Variants in DIP2A observed in about 807,000 individuals in gnomAD.
DIP2A encodes disco-interacting protein 2 homolog A.
DIP2A carries 85 observed loss-of-function variants against 177.4 expected under a neutral mutation model. The observed-to-expected ratio is 0.48, with a 90% CI of 0.40 to 0.57. The LOEUF (loss-of-function observed/expected upper bound fraction) is 0.57, where lower values mean the gene tolerates loss of function less well. Ranked by LOEUF, DIP2A falls within the 20% of genes least tolerant of loss-of-function variation. DIP2A has a pLI of 0.00. For missense variants in DIP2A, 1,791 were observed against 2,100.2 expected (o/e 0.85, Z 2.88); for synonymous variants, 886 against 881.8 (o/e 1.00, Z -0.08).
At chr21:46,519,491 A>G (rs1442612153) in intron 8 of DIP2A, among the ~76,000 whole-genome samples, 2 of 152,192 alleles carry the variant, frequency 1.3e-5, no homozygotes, top group East Asian at 1.9e-4. Flanking sequence ...TTCATCTTCT[A>G]TAACTTCTTC....
At chr21:46,546,884 G>T (rs1569085789) in intron 20 of DIP2A, 31 bp from the exon 21 acceptor site, 1 of 1,611,264 alleles carries the variant, frequency 6.2e-7, no homozygotes, top group East Asian at 2.2e-5. Context: ...GCCCGTGTGG[G>T]TGGAGTCTTG....
At chr21:46,571,884 GCTTT>G (rs1198680126), downstream of DIP2A, among the ~76,000 whole-genome samples, 1 of 152,144 alleles carries the variant, frequency 6.6e-6, no homozygotes, top group Non-Finnish European at 1.5e-5. Context: ...ATTTGAATAT[GCTTT>G]CTTTCTTTCT....
intron 8 of DIP2A, among the ~76,000 whole-genome samples, chr21:46,517,005 A>G (rs756228219): frequency 6.7e-6 from 1 of 149,616 alleles, no homozygotes. Context: ...GCTAACACCA[A>G]TATCTGTATC....
intron 6 of DIP2A, 76 bp from the exon 7 acceptor site, chr21:46,509,181 T>A (rs1390173019): frequency 1.0e-5 from 15 of 1,496,408 alleles, no homozygotes; most frequent in Non-Finnish European, 1.3e-5. Flanking sequence ...GTGTGGTTTG[T>A]CCTTGGACCT....
In DIP2A at chr21:46,498,391, A is replaced by G. The variant is rs2057471766; in HGVS notation, c.404-191A>G. Among the ~76,000 whole-genome samples the G allele has an allele frequency of 6.6e-6, 1 of 152,142 alleles. No individual in the cohort carries two copies. The highest frequency in any genetic ancestry group is 1.9e-4 in the East Asian group (1 of 5,190). On this transcript the variant is annotated intron_variant, in intron 4 of 37. Transcript: ENST00000417564. The surrounding 1 kb of genome is among the most constrained non-coding windows in gnomAD (Gnocchi z 4.3). ...GGGCTCATGGAATCATTTTCCCCAC[A>G]GTAGGGCTTCTTGCATGCCCTTCTA...
chr21:46,501,596 A>T (rs556954093), intron 5 of DIP2A, among the ~76,000 whole-genome samples: 1 of 152,084 alleles, frequency 6.6e-6, no homozygotes, highest in African/African-American at 2.4e-5. Flanking sequence ...ATTTTTAAAA[A>T]TTTTTTGGAA....
chr21:46,573,633 G>A (rs755309046), downstream of DIP2A, among the ~76,000 whole-genome samples: 194 of 79,212 alleles, frequency 2.4e-3, 1 homozygote, highest in Middle Eastern at 0.022. Context: ...GACAGAGTAA[G>A]ACCCTCTCTC....
intron 1 of DIP2A, among the ~76,000 whole-genome samples, chr21:46,463,719 T>TGTGTGTGTG (rs35675489): frequency 3.3e-5 from 4 of 122,454 alleles, no homozygotes; most frequent in South Asian, 2.6e-4. Flanking sequence ...TGTGTGTGTG[T>TGTGTGTGTG]ATATTTTGAG....
chr21:46,498,503 G>A lies in DIP2A; in HGVS notation c.404-79G>A. 1 of 1,510,070 alleles carries A rather than the reference G, an allele frequency of 6.6e-7. No homozygotes were observed. The highest frequency in any genetic ancestry group is 1.8e-5 in the Admixed American group (1 of 55,218). The allele number at this position is 1,510,070 out of a possible 1,614,324, so 93.5% of individuals were successfully genotyped here. On this transcript the variant is annotated intron_variant, in intron 4 of 37. Transcript: ENST00000417564. The surrounding 1 kb of genome is among the most constrained non-coding windows in gnomAD (Gnocchi z 4.3). ...AAGCATGCTGCACACAGGTCTGGGAGGCTCCAGTGTGAGTGGGAACTCCGT... is the reference window on the plus strand; with the variant it reads ...AAGCATGCTGCACACAGGTCTGGGAAGCTCCAGTGTGAGTGGGAACTCCGT...
At position 46,490,614 on chromosome 21, in the gene DIP2A, C is replaced by A; in HGVS notation, c.178C>A (p.Leu60Met). 6.4e-7 allele frequency: 1 copy of A among 1,570,810 alleles called. No homozygotes were observed. Among genetic ancestry groups the A allele is most frequent in the Non-Finnish European group, 8.6e-7 (1 of 1,157,794 alleles). ...TTGTGTTTCAGGAATAGACCCATCT[C>A]TGCAAGCAGAGAATAGAATTCCTGG... is the stretch of plus-strand genomic sequence containing the variant. ...IPLIQGIDPS[L>M]QAENRIPGPS... Residue 60 changes from leucine to methionine, a missense_variant, in exon 3 of 38, where the codon CTG becomes ATG. Leu to Met is a conservative substitution (Grantham distance 15). Transcript: ENST00000417564.
At chr21:46,543,851 AC>A (rs2059924599) in intron 18 of DIP2A, among the ~76,000 whole-genome samples, 1 of 152,076 alleles carries the variant, frequency 6.6e-6, no homozygotes, top group Admixed American at 6.6e-5. Flanking sequence ...GCCAAGCACC[AC>A]CTTCCACATC....
intron 22 of DIP2A, chr21:46,550,235 CCTGT>C (rs1300286682): frequency 1.9e-5 from 12 of 638,602 alleles, no homozygotes; most frequent in African/African-American, 7.3e-5. Flanking sequence ...CTTTCCTCCT[CCTGT>C]CTAATTGAGG....
In DIP2A at chr21:46,563,817, C is replaced by G; in HGVS notation, c.4090-41C>G. On this transcript the variant is annotated intron_variant, in intron 34 of 37. Transcript: ENST00000417564. This position sits in a 1 kb window ranked among gnomAD's most constrained non-coding sequence, Gnocchi z 4.3. ...TCACTGAATCAAGAGAGTCTCGTGTCATGTTTTCTTTAACAAGGGACATAG... is the reference window on the plus strand; with the variant it reads ...TCACTGAATCAAGAGAGTCTCGTGTGATGTTTTCTTTAACAAGGGACATAG... 6.2e-7 allele frequency: 1 copy of G among 1,607,500 alleles called. No individual in the cohort carries two copies. The highest frequency in any genetic ancestry group is 8.5e-7 in the Non-Finnish European group (1 of 1,177,638).
chr21:46,555,038 C>A, intron 28 of DIP2A, 105 bp downstream of exon 28: 1 of 1,200,820 alleles, frequency 8.3e-7, no homozygotes, highest in Non-Finnish European at 1.2e-6. Flanking sequence ...CAAGAGCAGT[C>A]CTGGCAGGAG....
intron 1 of DIP2A, chr21:46,462,609 T>A (rs940641108): frequency 3.9e-5 from 6 of 152,242 alleles, no homozygotes; most frequent in African/African-American, 1.4e-4. Flanking sequence ...TTCATTGTTA[T>A]AATTTTTATA....
chr21:46,561,749 G>T lies in DIP2A; in HGVS notation c.4033G>T (p.Val1345Phe). ...TGAAATTGTTCCCTTAATTTTTAGG[G>T]TTCGTTTGGTAGAACGGGGTTCTCC... ...VDMRALRHDR[V>F]RLVERGSPHS... The change falls in exon 34 of 38, where the codon GTT (valine) becomes TTT (phenylalanine). Residue 1345 changes from valine (V) to phenylalanine (F), a missense_variant and splice_region_variant. Physicochemically the swap from Val to Phe is conservative, Grantham distance 50 (BLOSUM62 -1). Transcript: ENST00000417564. 6.2e-7 allele frequency: 1 copy of T among 1,613,916 alleles called. No homozygotes were observed. Among genetic ancestry groups the T allele is most frequent in the Non-Finnish European group, 8.5e-7 (1 of 1,179,886 alleles).
intron 26 of DIP2A, 104 bp from the exon 27 acceptor site, chr21:46,554,471 C>T (rs968545127): frequency 3.0e-5 from 47 of 1,541,196 alleles, no homozygotes; most frequent in Non-Finnish European, 3.9e-5. Flanking sequence ...GTCACCCATG[C>T]CCCCCCAGCA....
chr21:46,507,124 A>T (rs563499914), intron 6 of DIP2A, among the ~76,000 whole-genome samples: 1 of 151,880 alleles, frequency 6.6e-6, no homozygotes, highest in Non-Finnish European at 1.5e-5. Flanking sequence ...TATATTCTAG[A>T]TACAAGTCAT....
In DIP2A at chr21:46,551,695, T is replaced by G. The variant is rs763914408; in HGVS notation, c.2901T>G (p.Ala967=). The G allele has an allele frequency of 1.9e-6, 3 of 1,614,002 alleles. No homozygotes were observed. Among genetic ancestry groups the G allele is most frequent in the East Asian group, 2.2e-5 (1 of 44,886 alleles). Residue 967 remains alanine (A), a synonymous_variant, in exon 24 of 38, where the codon GCT becomes GCG. Transcript: ENST00000417564. ...TTGCTGGGAAGAGAATCGCTCAGGC[T>G]TCCGGGAGAGAGCTCGCCCACCTGG... ...NLVAGKRIAQ[A]SGRELAHLED... is the part of the protein sequence containing the mutation.
Sources: gnomAD v4.1 joint callset for allele counts (sites outside exome capture counted in the v4.1 genomes callset) on GRCh38, gnomAD v4.1.1 for gene constraint, Gnocchi (gnomAD v3.1) non-coding constraint, MANE v1.5 for transcripts, NCBI Gene and HGNC (gene_info 2026-07-23, HGNC 2026-07-21) for gene names.